EYA2: variants seen among roughly 807,000 people sequenced by gnomAD.
The protein encoded by EYA2 is protein phosphatase EYA2.
Under a neutral mutation model 69.2 loss-of-function variants are expected in EYA2, and 31 were observed. The observed-to-expected ratio is 0.45, with a 90% CI of 0.34 to 0.60. The LOEUF is 0.60. EYA2 is among the 20% of genes least tolerant of loss of function. The pLI is 0.02. For missense variants in EYA2, 622 were observed against 701.2 expected (o/e 0.89, Z 1.28); for synonymous variants, 257 against 279.4 (o/e 0.92, Z 0.80).
At chr20:46,955,783 A>G (rs1362773988) in intron 1 of EYA2, among the ~76,000 whole-genome samples, 2 of 152,182 alleles carry the variant, frequency 1.3e-5, no homozygotes, top group Non-Finnish European at 2.9e-5. Context: ...ATAGTAGTTC[A>G]TGTTGCTTAT....
Position 47,159,787 on chromosome 20 carries a change from C to G in EYA2, c.979-9352C>G, listed in dbSNP as rs189864826. Among the ~76,000 whole-genome samples, 177 of 151,992 alleles carry G rather than the reference C, an allele frequency of 1.2e-3. 1 individual carries two copies. In the Middle Eastern group the frequency reaches 0.014, roughly 12 times the overall value. On this transcript the variant is annotated intron_variant, in intron 10 of 15. Transcript: ENST00000327619. Reference sequence around the variant, plus strand: ...GGCGGATCACTTGTGGTCAGGAGTTCGAGACCAGTCTGGCCAACATGGTGA... The same window carrying G: ...GGCGGATCACTTGTGGTCAGGAGTTGGAGACCAGTCTGGCCAACATGGTGA...
intron 10 of EYA2, among the ~76,000 whole-genome samples, chr20:47,148,583 C>T (rs1192938887): frequency 6.6e-6 from 1 of 151,916 alleles, no homozygotes; most frequent in African/African-American, 2.4e-5. Flanking sequence ...CAGACCAGGC[C>T]TGGGTCCCAG....
intron 1 of EYA2, among the ~76,000 whole-genome samples, chr20:46,911,343 C>T (rs1600536072): frequency 6.6e-6 from 1 of 152,138 alleles, no homozygotes; most frequent in Non-Finnish European, 1.5e-5. Flanking sequence ...GGTCCCTGTG[C>T]TCCAGGCGCT....
At chr20:47,081,339 T>TA (rs1483309265) in intron 7 of EYA2, among the ~76,000 whole-genome samples, 2 of 151,774 alleles carry the variant, frequency 1.3e-5, no homozygotes, top group African/African-American at 2.4e-5. Flanking sequence ...AAAAAAAAAA[T>TA]AAAAAATATG....
intron 9 of EYA2, among the ~76,000 whole-genome samples, chr20:47,125,307 G>C (rs1040695286): frequency 1.3e-5 from 2 of 151,752 alleles, no homozygotes; most frequent in Non-Finnish European, 2.9e-5. Flanking sequence ...CGCCCGCCTC[G>C]GCCTCCCAAA....
chr20:46,984,815 T>A (rs1279450643), intron 1 of EYA2, among the ~76,000 whole-genome samples: 3 of 152,190 alleles, frequency 2.0e-5, no homozygotes, highest in Non-Finnish European at 4.4e-5. Context: ...TGAATGGAGA[T>A]GTTCATTGCA....
At chr20:46,922,753 G>A (rs1250681563) in intron 1 of EYA2, among the ~76,000 whole-genome samples, 6 of 152,120 alleles carry the variant, frequency 3.9e-5, no homozygotes. Context: ...AATTTGGGGT[G>A]GGGATGTTGA....
chr20:47,077,228 G>C (rs2031549926), intron 7 of EYA2, among the ~76,000 whole-genome samples: 1 of 152,204 alleles, frequency 6.6e-6, no homozygotes, highest in African/African-American at 2.4e-5. Flanking sequence ...ATGTGGCAGA[G>C]TCCATGTCCT....
chr20:47,094,702 TCAC>T (rs1475748877), intron 8 of EYA2, among the ~76,000 whole-genome samples: 1 of 152,056 alleles, frequency 6.6e-6, no homozygotes, highest in Non-Finnish European at 1.5e-5. Context: ...AAAATAATGA[TCAC>T]CAGAAAAATA....
intron 15 of EYA2, among the ~76,000 whole-genome samples, chr20:47,184,592 A>ATTTT (rs11472093): frequency 2.1e-5 from 3 of 145,976 alleles, no homozygotes; most frequent in East Asian, 2.0e-4. Context: ...AATTTTTTGT[A>ATTTT]TTTTTTTTTT....
chr20:47,183,822 G>A (rs541637974), intron 15 of EYA2, among the ~76,000 whole-genome samples: 24 of 152,236 alleles, frequency 1.6e-4, no homozygotes, highest in African/African-American at 5.5e-4. Context: ...GAGAGGGCAG[G>A]GGGTTCTGGT....
intron 1 of EYA2, among the ~76,000 whole-genome samples, chr20:46,913,285 G>C (rs550705839): frequency 6.6e-6 from 1 of 152,314 alleles, no homozygotes; most frequent in Admixed American, 6.5e-5. Flanking sequence ...AGCTCTGAGT[G>C]GGGTTGTGCC....
intron 1 of EYA2, among the ~76,000 whole-genome samples, chr20:46,903,445 G>T (rs1020241770): frequency 4.6e-5 from 7 of 152,178 alleles, no homozygotes; most frequent in Admixed American, 2.0e-4. Flanking sequence ...CCCTCAATGC[G>T]TTGTGCAGAA....
At chr20:47,042,840 A>G (rs1305149266) in intron 5 of EYA2, among the ~76,000 whole-genome samples, 1 of 152,232 alleles carries the variant, frequency 6.6e-6, no homozygotes, top group African/African-American at 2.4e-5. Flanking sequence ...AAGAAGGAGC[A>G]ATGCCACAAT....
Position 47,143,048 on chromosome 20 carries a change from C to G in EYA2, c.889-11C>G, listed in dbSNP as rs2033628862. The G allele has an allele frequency of 6.2e-7, 1 of 1,611,326 alleles. No homozygotes were observed. Among genetic ancestry groups the G allele is most frequent in the Admixed American group, 1.7e-5 (1 of 59,540 alleles). ...CGCGTGCATGTGATTTTCCCCTTCT[C>G]TGCCTCGCAGGACACCACGACGTCC... is the stretch of plus-strand genomic sequence containing the variant. On this transcript the variant is annotated splice_polypyrimidine_tract_variant and intron_variant, in intron 9 of 15. Coordinates refer to ENST00000327619, the MANE Select transcript of EYA2 (RefSeq NM_005244.5).
chr20:47,022,959 G>A (rs536080904), intron 5 of EYA2, among the ~76,000 whole-genome samples: 3 of 151,932 alleles, frequency 2.0e-5, no homozygotes, highest in African/African-American at 7.2e-5. Flanking sequence ...TAATGCCACA[G>A]CATTTTTGTC....
At chr20:47,045,179 C>T (rs992460370) in intron 5 of EYA2, among the ~76,000 whole-genome samples, 10 of 152,198 alleles carry the variant, frequency 6.6e-5, no homozygotes, top group African/African-American at 1.2e-4. Context: ...CTTGGGGCCA[C>T]ACATAACAGC....
intron 15 of EYA2, among the ~76,000 whole-genome samples, chr20:47,187,058 T>TA (rs34926963): frequency 0.46 from 67,899 of 149,104 alleles, 15,460 homozygotes; most frequent in Non-Finnish European, 0.48. Flanking sequence ...TCTCTAAAAT[T>TA]AAAAAAAAAA....
intron 11 of EYA2, among the ~76,000 whole-genome samples, chr20:47,169,712 T>G (rs2146650899): frequency 6.6e-6 from 1 of 152,224 alleles, no homozygotes; most frequent in Middle Eastern, 3.4e-3. Flanking sequence ...TTCAAAGATC[T>G]GCTCAAAATG....
Sources: gnomAD v4.1 joint callset for allele counts (sites outside exome capture counted in the v4.1 genomes callset) on GRCh38, gnomAD v4.1.1 for gene constraint, MANE v1.5 for transcripts, NCBI Gene and HGNC (gene_info 2026-07-23, HGNC 2026-07-21) for gene names.